CCNE1: variants seen among roughly 807,000 people sequenced by gnomAD.
The protein encoded by CCNE1 is cyclin E1, also known as G1/S-specific cyclin-E1.
Under a neutral mutation model 54.1 loss-of-function variants are expected in CCNE1, and 8 were observed. The observed-to-expected ratio is 0.15, with a 90% confidence interval of 0.09 to 0.27. The LOEUF is 0.27. Ranked by LOEUF, CCNE1 falls within the 10% of genes least tolerant of loss-of-function variation. CCNE1 has a pLI of 1.00. For synonymous variants in CCNE1, 179 were observed against 185.2 expected (o/e 0.97, Z 0.27); for missense variants, 430 against 514.9 (o/e 0.84, Z 1.60).
intron 8 of CCNE1, 80 bp downstream of exon 8, chr19:29,821,897 G>T (rs1480984209): frequency 4.0e-6 from 6 of 1,503,072 alleles, no homozygotes; most frequent in African/African-American, 1.4e-5. Context: ...GTGCCTCTGG[G>T]AGGTGTTCTC....
intron 1 of CCNE1, 128 bp downstream of exon 1, chr19:29,812,280 G>T (rs539447730): frequency 6.2e-4 from 115 of 186,148 alleles, no homozygotes; most frequent in South Asian, 2.4e-3. Flanking sequence ...CCGGGAGGGT[G>T]CTGAGAGCGC....
intron 4 of CCNE1, among the ~76,000 whole-genome samples, chr19:29,814,658 C>A (rs1973969193): frequency 6.6e-6 from 1 of 152,192 alleles, no homozygotes; most frequent in East Asian, 1.9e-4. Context: ...AACCTTTTTC[C>A]CTGCTCACAT....
chr19:29,813,483 A>G, intron 4 of CCNE1, among the ~76,000 whole-genome samples: 1 of 151,952 alleles, frequency 6.6e-6, no homozygotes, highest in East Asian at 1.9e-4. Flanking sequence ...CCCTATCTAC[A>G]CCTATTTTTC....
Position 29,812,577 on chromosome 19 carries a change from C to A in CCNE1, c.22C>A (p.Arg8=), listed in dbSNP as rs765558494. The A allele has an allele frequency of 1.3e-6, 2 of 1,518,262 alleles. No individual in the cohort carries two copies. Among genetic ancestry groups the A allele is most frequent in the South Asian group, 1.2e-5 (1 of 80,188 alleles). 94.0% of individuals were successfully genotyped at this position (1,518,262 alleles called of 1,614,324 possible). A position where few individuals can be genotyped will look rare whatever the true frequency, so the allele number is the denominator to read the frequency against. Residue 8 remains arginine (R), a splice_region_variant and synonymous_variant, in exon 2 of 12, where the codon CGG becomes AGG. Coordinates refer to ENST00000262643, the MANE Select transcript of CCNE1 (RefSeq NM_001238.4). Reference sequence around the variant, plus strand: ...CATCATGCCGAGGGAGCGCAGGGAGCGGTGAGTGCCCGCGCCGCGGGGCCG... The same window carrying A: ...CATCATGCCGAGGGAGCGCAGGGAGAGGTGAGTGCCCGCGCCGCGGGGCCG... The part of the protein sequence containing the change: MPRERRE[R]DAKERDTMKE...
intron 7 of CCNE1, 36 bp downstream of exon 7, chr19:29,820,884 G>C (rs759889937): frequency 1.3e-6 from 2 of 1,500,870 alleles, no homozygotes; most frequent in Admixed American, 1.8e-5. Context: ...TATAATGTGT[G>C]TTATTTCTCG....
Position 29,823,780 on chromosome 19 carries a change from A to G in CCNE1, c.*3A>G. On this transcript the variant is annotated 3_prime_UTR_variant, in exon 12 of 12. Coordinates refer to ENST00000262643, the MANE Select transcript of CCNE1 (RefSeq NM_001238.4). ...GCAGCGGGCCGGAAATGGCGTGACC[A>G]CCCCATCCTTCTCCACCAAAGACAG... 2 of 1,606,446 alleles carry G rather than the reference A, an allele frequency of 1.2e-6. No individual in the cohort carries two copies. Among genetic ancestry groups the G allele is most frequent in the East Asian group, 4.5e-5 (2 of 44,642 alleles).
chr19:29,818,026 ATT>A (rs35607816), intron 6 of CCNE1, among the ~76,000 whole-genome samples: 8 of 84,522 alleles, frequency 9.5e-5, no homozygotes, highest in Admixed American at 1.3e-4. Flanking sequence ...CACGCCCAGT[ATT>A]TTTTTTTTTT....
Position 29,824,129 on chromosome 19 carries a change from C to T in CCNE1, c.*352C>T. On this transcript the variant is annotated 3_prime_UTR_variant, in exon 12 of 12. Coordinates refer to ENST00000262643, the MANE Select transcript of CCNE1 (RefSeq NM_001238.4). ...TGGCTCTCCTCGCAGGTGTTCTGGG[C>T]TCCGTTGTACCAAGTGGAGCAGGTG... 3.6e-6 allele frequency: 1 copy of T among 280,612 alleles called. No homozygotes were observed. 17.4% of individuals were successfully genotyped at this position (280,612 alleles called of 1,614,324 possible). A position where few individuals can be genotyped will look rare whatever the true frequency, so the allele number is the denominator to read the frequency against.
chr19:29,823,602 GC>G, intron 11 of CCNE1, 52 bp from the exon 12 acceptor site: 1 of 1,471,108 alleles, frequency 6.8e-7, no homozygotes, highest in Non-Finnish European at 9.1e-7. Context: ...GGTAATTGAA[GC>G]CCAAGGATAT....
chr19:29,823,812 G>T lies in CCNE1; in HGVS notation c.*35G>T. On this transcript the variant is annotated 3_prime_UTR_variant, in exon 12 of 12. Transcript: ENST00000262643. Reference sequence around the variant, plus strand: ...CCTTCTCCACCAAAGACAGTTGCGCGCCTGCTCCACGTTCTCTTCTGTCTG... The same window carrying T: ...CCTTCTCCACCAAAGACAGTTGCGCTCCTGCTCCACGTTCTCTTCTGTCTG... The T allele has an allele frequency of 6.3e-7, 1 of 1,581,186 alleles. No individual in the cohort carries two copies. The highest frequency in any genetic ancestry group is 8.6e-7 in the Non-Finnish European group (1 of 1,161,864).
rs772121723 is a variant in CCNE1 at position 29,823,798 on chromosome 19, A to G, written c.*21A>G. Reference sequence around the variant, plus strand: ...CGTGACCACCCCATCCTTCTCCACCAAAGACAGTTGCGCGCCTGCTCCACG... The same window carrying G: ...CGTGACCACCCCATCCTTCTCCACCGAAGACAGTTGCGCGCCTGCTCCACG... On this transcript the variant is annotated 3_prime_UTR_variant, in exon 12 of 12. Coordinates refer to ENST00000262643, the MANE Select transcript of CCNE1 (RefSeq NM_001238.4). 2 of 1,597,094 alleles carry G rather than the reference A, an allele frequency of 1.3e-6. No individual in the cohort carries two copies. The highest frequency in any genetic ancestry group is 4.5e-5 in the East Asian group (2 of 44,418).
intron 4 of CCNE1, among the ~76,000 whole-genome samples, chr19:29,816,870 C>A (rs1199293632): frequency 7.8e-6 from 1 of 127,618 alleles, no homozygotes; most frequent in Non-Finnish European, 1.6e-5. Flanking sequence ...CATTTTTGAT[C>A]TTTTATACTA....
chr19:29,819,697 G>T (rs1974106165), intron 6 of CCNE1, among the ~76,000 whole-genome samples: 1 of 152,234 alleles, frequency 6.6e-6, no homozygotes, highest in African/African-American at 2.4e-5. Flanking sequence ...TTTATTGGTT[G>T]TATATCTTAC....
rs186190859 is a variant in CCNE1 at position 29,824,133 on chromosome 19, G to A, written c.*356G>A. 3.2e-5 allele frequency: 9 copies of A among 277,526 alleles called. No homozygotes were observed. The highest frequency in any genetic ancestry group is 1.6e-4 in the East Asian group (3 of 18,904). The allele number at this position is 277,526 out of a possible 1,614,324, so 17.2% of individuals were successfully genotyped here. ...TCTCCTCGCAGGTGTTCTGGGCTCC[G>A]TTGTACCAAGTGGAGCAGGTGGTTG... is the stretch of plus-strand genomic sequence containing the variant. On this transcript the variant is annotated 3_prime_UTR_variant, in exon 12 of 12. Transcript: ENST00000262643.
intron 7 of CCNE1, 32 bp downstream of exon 7, chr19:29,820,880 G>A (rs1388956854): frequency 2.0e-6 from 3 of 1,522,930 alleles, no homozygotes; most frequent in East Asian, 2.3e-5. Context: ...GTTCTATAAT[G>A]TGTGTTATTT....
chr19:29,817,159 G>T lies in CCNE1; in HGVS notation c.203G>T (p.Cys68Phe), dbSNP rs776946024. Residue 68 changes from cysteine (C) to phenylalanine (F), a missense_variant, in exon 5 of 12, where the codon TGT becomes TTT. Physicochemically the swap from Cys to Phe is radical, Grantham distance 205. Around this residue, in one of 2 missense-constraint regions of CCNE1, gnomAD observed 127 missense variants for 113.8 expected, o/e 1.12. Coordinates refer to ENST00000262643, the MANE Select transcript of CCNE1 (RefSeq NM_001238.4). ...GSQPWDNNAV[C>F]ADPCSLIPTP... ...CAGCCTTGGGACAATAATGCAGTCT[G>T]TGCAGACCCCTGCTCCCTGATCCCC... 12 of 1,613,958 alleles carry T rather than the reference G, an allele frequency of 7.4e-6. No individual in the cohort carries two copies. In the African/African-American group the frequency reaches 1.6e-4, roughly 22 times the overall value.
intron 6 of CCNE1, among the ~76,000 whole-genome samples, chr19:29,819,347 G>C (rs1471094305): frequency 6.6e-6 from 1 of 151,472 alleles, no homozygotes; most frequent in African/African-American, 2.4e-5. Context: ...TAGTGGTGCA[G>C]TCACGGCTCA....
Position 29,821,806 on chromosome 19 carries a change from A to T in CCNE1, c.694A>T (p.Met232Leu). Reference protein sequence around the residue: ...SGDEILTMELMIMKALKWRLS... With the variant: ...SGDEILTMELLIMKALKWRLS... ...AGATGAAATTCTCACCATGGAATTA[A>T]TGATTATGAAGGTGGGTTCCAGTGA... Residue 232 changes from methionine (M) to leucine (L), a missense_variant, in exon 8 of 12, where the codon ATG becomes TTG. This residue lies in a region of CCNE1 where 303 missense variants were observed against 401.1 expected (regional missense o/e 0.76). Coordinates refer to ENST00000262643, the MANE Select transcript of CCNE1 (RefSeq NM_001238.4). The T allele has an allele frequency of 6.2e-7, 1 of 1,611,172 alleles. No homozygotes were observed. The highest frequency in any genetic ancestry group is 8.5e-7 in the Non-Finnish European group (1 of 1,177,298).
intron 4 of CCNE1, chr19:29,813,456 AT>A: frequency 5.9e-6 from 1 of 170,224 alleles, no homozygotes; most frequent in Non-Finnish European, 1.3e-5. Context: ...CTGGGTGTTT[AT>A]AAGCAACAAC....
Sources: allele counts gnomAD v4.1 joint callset (sites outside exome capture counted in the v4.1 genomes callset), GRCh38; gene constraint gnomAD v4.1.1; regional missense constraint gnomAD v4.1.1; transcripts MANE v1.5; gene names NCBI Gene and HGNC (gene_info 2026-07-23, HGNC 2026-07-21).